The following TG variants were observed in gnomAD, a reference collection of about 807,000 sequenced individuals.
The protein encoded by TG is thyroglobulin, also known as thyroid hormones.
In TG, 270 loss-of-function variants were observed where a neutral mutation model predicts 324.7. The observed-to-expected ratio is 0.83, with a 90% CI of 0.75 to 0.92. The LOEUF (loss-of-function observed/expected upper bound fraction) is 0.92. Ranked by LOEUF, TG falls within the 40% of genes least tolerant of loss-of-function variation. The pLI is 0.00. For missense variants in TG, 3,591 were observed against 3,456.4 expected (o/e 1.04, Z -0.98); for synonymous variants, 1,401 against 1,327.0 (o/e 1.06, Z -1.21).
chr8:133,024,829 G>A (rs1408488423), intron 40 of TG, among the ~76,000 whole-genome samples: 1 of 152,110 alleles, frequency 6.6e-6, no homozygotes, highest in Non-Finnish European at 1.5e-5. Context: ...GTTTGGGTTG[G>A]TTCCAAGTCT....
At chr8:133,119,974 A>AAG (rs1443375683) in intron 45 of TG, among the ~76,000 whole-genome samples, 2 of 152,206 alleles carry the variant, frequency 1.3e-5, no homozygotes, top group African/African-American at 4.8e-5. Flanking sequence ...GAATGATGAC[A>AAG]AGAGCCATGT....
chr8:133,031,332 C>T (rs79655859), intron 41 of TG, among the ~76,000 whole-genome samples: 2,227 of 152,218 alleles, frequency 0.015, 66 homozygotes, highest in African/African-American at 0.051. Context: ...TATTCCTTTG[C>T]GCAGAGGGAC....
At chr8:132,885,648 C>T (rs1434008756) in intron 8 of TG, among the ~76,000 whole-genome samples, 1 of 152,058 alleles carries the variant, frequency 6.6e-6, no homozygotes, top group African/African-American at 2.4e-5. Context: ...GACAACATTT[C>T]ATTAAATACG....
In TG at chr8:132,880,988, G is replaced by A. The variant is rs576910803; in HGVS notation, c.639-875G>A. On this transcript the variant is annotated intron_variant, in intron 5 of 47. Coordinates refer to ENST00000220616, the MANE Select transcript of TG (RefSeq NM_003235.5). ...ATCATTGTACACAGCTGCTGCTTCCGTTAACTTATTGCTGGGAGATATATT... is the reference window on the plus strand; with the variant it reads ...ATCATTGTACACAGCTGCTGCTTCCATTAACTTATTGCTGGGAGATATATT... Among the ~76,000 whole-genome samples the A allele has an allele frequency of 2.4e-4, 37 of 152,266 alleles. 1 individual carries two copies. The highest frequency in any genetic ancestry group is 7.7e-4 in the East Asian group (4 of 5,180).
intron 43 of TG, among the ~76,000 whole-genome samples, chr8:133,100,003 G>A (rs548993158): frequency 3.9e-5 from 6 of 152,280 alleles, no homozygotes; most frequent in Admixed American, 3.9e-4. Flanking sequence ...CTTCTCTCCA[G>A]TGGCCTCCTC....
chr8:133,081,359 T>C (rs1340944729), intron 41 of TG, among the ~76,000 whole-genome samples: 1 of 152,226 alleles, frequency 6.6e-6, no homozygotes, highest in Non-Finnish European at 1.5e-5. Context: ...AATGGTGACT[T>C]TTCACCTCTG....
At chr8:133,015,098 C>T (rs1471135827) in intron 37 of TG, among the ~76,000 whole-genome samples, 2 of 152,162 alleles carry the variant, frequency 1.3e-5, no homozygotes, top group African/African-American at 4.8e-5. Flanking sequence ...GTCTTGAACT[C>T]CTGGCTTCAA....
intron 26 of TG, among the ~76,000 whole-genome samples, chr8:132,942,463 A>G (rs1232343063): frequency 1.3e-5 from 2 of 152,232 alleles, no homozygotes; most frequent in Admixed American, 6.5e-5. Context: ...AAAGATTAGA[A>G]AAAATTGAAA....
intron 41 of TG, among the ~76,000 whole-genome samples, chr8:133,078,194 T>A (rs1845193969): frequency 6.6e-6 from 1 of 152,140 alleles, no homozygotes; most frequent in Non-Finnish European, 1.5e-5. Context: ...GAAGAGGAAC[T>A]GGTTTGTGGT....
intron 41 of TG, among the ~76,000 whole-genome samples, chr8:133,088,647 G>T (rs552979966): frequency 6.6e-6 from 1 of 152,064 alleles, no homozygotes; most frequent in African/African-American, 2.4e-5. Context: ...AAACACACAC[G>T]CACTTTTTAT....
Position 132,941,339 on chromosome 8 carries a change from C to T in TG, c.5042-12C>T. ...TGAGGTCTTTTAAAATTTTGTTCTG[C>T]CTTTCCCCCAGGCCAAGGATCCACC... On this transcript the variant is annotated splice_polypyrimidine_tract_variant and intron_variant, in intron 25 of 47. Transcript: ENST00000220616. 3.1e-6 allele frequency: 5 copies of T among 1,614,216 alleles called. No individual in the cohort carries two copies. The highest frequency in any genetic ancestry group is 4.2e-6 in the Non-Finnish European group (5 of 1,180,038).
rs1243767749 is a variant in TG, at chr8:133,029,802, G to C, written c.7037-19G>C. 1.2e-6 allele frequency: 2 copies of C among 1,613,988 alleles called. No homozygotes were observed. Among genetic ancestry groups the C allele is most frequent in the South Asian group, 2.2e-5 (2 of 91,086 alleles). On this transcript the variant is annotated intron_variant, in intron 40 of 47. Coordinates refer to ENST00000220616, the MANE Select transcript of TG (RefSeq NM_003235.5). Reference sequence around the variant, plus strand: ...GTTGTAAAGTCACAAAGGATAAAAGGCTTTCCTCTTTTCTGAAGGGTCCGG... The same window carrying C: ...GTTGTAAAGTCACAAAGGATAAAAGCCTTTCCTCTTTTCTGAAGGGTCCGG...
intron 5 of TG, 85 bp downstream of exon 5, chr8:132,873,306 A>G: frequency 6.5e-7 from 1 of 1,538,762 alleles, no homozygotes; most frequent in South Asian, 1.2e-5. Context: ...TCCATGTGTC[A>G]TATGTGCAGC....
In TG at chr8:132,963,072, C is replaced by G; in HGVS notation, c.5546C>G (p.Ala1849Gly). Residue 1849 changes from alanine to glycine, a missense_variant and splice_region_variant, in exon 29 of 48, where the codon GCA (alanine) becomes GGA (glycine). Physicochemically the swap from Ala to Gly is moderately conservative, Grantham distance 60. Transcript: ENST00000220616. ...CCAAGGCCAGCATCTCCAACAGAAG[C>G]AGGTACTGACCCCCAAACCTTCTTA... is the stretch of plus-strand genomic sequence containing the variant. ...TVPRPASPTE[A>G]GLTTELFSPV... 5.0e-6 allele frequency: 8 copies of G among 1,613,998 alleles called. No individual in the cohort carries two copies. The highest frequency in any genetic ancestry group is 6.8e-6 in the Non-Finnish European group (8 of 1,179,872).
In TG at chr8:132,945,540, G is replaced by A. The variant is rs2246988; in HGVS notation, c.5234-3236G>A. 8.4e-4 allele frequency among the ~76,000 whole-genome samples: 127 copies of A among 151,996 alleles called. 1 individual carries two copies. Among genetic ancestry groups the A allele is most frequent in the African/African-American group, 2.8e-3 (117 of 41,402 alleles). On this transcript the variant is annotated intron_variant, in intron 26 of 47. Coordinates refer to ENST00000220616, the MANE Select transcript of TG (RefSeq NM_003235.5). ...AGCTGAGTTTTTAGATGCAAAGATC[G>A]AGAGCTCAGAAGGGAAGTGTGGATG... is the stretch of plus-strand genomic sequence containing the variant.
intron 17 of TG, among the ~76,000 whole-genome samples, chr8:132,907,693 G>C (rs1818885281): frequency 6.6e-6 from 1 of 152,166 alleles, no homozygotes; most frequent in Non-Finnish European, 1.5e-5. Flanking sequence ...TTGAAATCAA[G>C]ACCAGGATGG....
intron 30 of TG, among the ~76,000 whole-genome samples, chr8:132,967,011 T>A (rs912557845): frequency 6.0e-5 from 9 of 149,156 alleles, no homozygotes; most frequent in African/African-American, 2.3e-4. Context: ...CATTTATCCA[T>A]CCCATCCATC....
Position 133,019,583 on chromosome 8 carries a change from A to T in TG, c.6783-19A>T. The T allele has an allele frequency of 6.2e-7, 1 of 1,611,552 alleles. No homozygotes were observed. The highest frequency in any genetic ancestry group is 1.7e-4 in the Middle Eastern group (1 of 6,048). On this transcript the variant is annotated intron_variant, in intron 38 of 47. Transcript: ENST00000220616. ...GGTGATGGAGCATGTCTTGGAAGTC[A>T]CCCAGTCTGTATCTGCAGGGCCAGC...
intron 35 of TG, chr8:132,995,497 G>T (rs1832784922): frequency 2.0e-6 from 2 of 985,248 alleles, no homozygotes; most frequent in African/African-American, 3.5e-5. Flanking sequence ...CCTCCATGGT[G>T]CTGGACTCAC....
Sources: allele counts gnomAD v4.1 joint callset (sites outside exome capture counted in the v4.1 genomes callset), GRCh38; gene constraint gnomAD v4.1.1; transcripts MANE v1.5; gene names NCBI Gene and HGNC (gene_info 2026-07-23, HGNC 2026-07-21).